PPP1R12B: variants seen among roughly 807,000 people sequenced by gnomAD.
PPP1R12B encodes the protein myosin phosphatase target subunit 2.
PPP1R12B carries 76 observed loss-of-function variants against 126.1 expected under a neutral mutation model. That is an observed-to-expected ratio of 0.60 (90% CI 0.50 to 0.73). The LOEUF (loss-of-function observed/expected upper bound fraction) is 0.73, where lower values mean the gene tolerates loss of function less well. Among genes scored for constraint, PPP1R12B ranks in the 30% least tolerant of loss-of-function variants. The pLI is 0.00. For synonymous variants in PPP1R12B, 356 were observed against 434.7 expected, an observed-to-expected ratio of 0.82 and a Z score of 2.25; for missense variants, 1,052 against 1,205.1, an observed-to-expected ratio of 0.87 and a Z score of 1.88.
chr1:202,379,800 A>T (rs1018196794), intron 1 of PPP1R12B, among the ~76,000 whole-genome samples: 2 of 152,248 alleles, frequency 1.3e-5, no homozygotes, highest in Non-Finnish European at 2.9e-5. Flanking sequence ...TATACATCAG[A>T]ATACTCATTA....
chr1:202,407,092 AAC>A (rs1666713078), intron 1 of PPP1R12B, among the ~76,000 whole-genome samples: 1 of 152,192 alleles, frequency 6.6e-6, no homozygotes, highest in African/African-American at 2.4e-5. Flanking sequence ...ACTTTCAAAA[AAC>A]ATGATTTGAT....
chr1:202,434,733 G>C lies in PPP1R12B; in HGVS notation c.1219G>C (p.Ala407Pro). The C allele has an allele frequency of 6.2e-7, 1 of 1,613,772 alleles. No homozygotes were observed. Among genetic ancestry groups the C allele is most frequent in the Non-Finnish European group, 8.5e-7 (1 of 1,179,914 alleles). The change falls in exon 9 of 24, where the codon GCT becomes CCT. Residue 407 changes from alanine to proline, a missense_variant. Transcript: ENST00000608999. ...SSITEQIPAP[A>P]QNTFSASSAR... ...TATCACAGAGCAGATACCAGCACCA[G>C]CTCAAAATACCTTCTCTGCCTCTTC...
intron 6 of PPP1R12B, 105 bp downstream of exon 6, chr1:202,429,034 C>T: frequency 1.1e-6 from 1 of 872,240 alleles, no homozygotes. Flanking sequence ...TTGAAATGGA[C>T]ATATCTGCAT....
At chr1:202,416,109 A>G (rs898853745) in intron 1 of PPP1R12B, among the ~76,000 whole-genome samples, 2 of 152,244 alleles carry the variant, frequency 1.3e-5, no homozygotes, top group African/African-American at 4.8e-5. Context: ...AATAAAATTC[A>G]TATACAAATC....
intron 1 of PPP1R12B, among the ~76,000 whole-genome samples, chr1:202,412,694 T>C (rs1225014993): frequency 1.3e-5 from 2 of 152,240 alleles, no homozygotes; most frequent in African/African-American, 4.8e-5. Context: ...ATAGGAGTAT[T>C]ACTAAGGGCA....
intron 17 of PPP1R12B, 24 bp downstream of exon 17, chr1:202,495,706 G>A: frequency 1.9e-6 from 3 of 1,587,620 alleles, no homozygotes; most frequent in Middle Eastern, 1.7e-4. Flanking sequence ...TCTGTGCTGA[G>A]GCATATCATA....
At chr1:202,467,974 G>A (rs1333544638) in intron 13 of PPP1R12B, among the ~76,000 whole-genome samples, 2 of 152,212 alleles carry the variant, frequency 1.3e-5, no homozygotes, top group Non-Finnish European at 2.9e-5. Context: ...CTGATGGCCA[G>A]TGATGATGAG....
intron 1 of PPP1R12B, among the ~76,000 whole-genome samples, chr1:202,397,149 T>A (rs2148546284): frequency 6.6e-6 from 1 of 152,304 alleles, no homozygotes. Flanking sequence ...TGCTCTCATT[T>A]CCTTTCACTC....
chr1:202,560,963 G>A (rs1164545082), intron 19 of PPP1R12B, among the ~76,000 whole-genome samples: 1 of 151,888 alleles, frequency 6.6e-6, no homozygotes, highest in Non-Finnish European at 1.5e-5. Flanking sequence ...GTATACATAT[G>A]TAACTAACCT....
At chr1:202,564,375 AT>A in intron 20 of PPP1R12B, 67 bp from the exon 21 acceptor site, 1 of 1,193,754 alleles carries the variant, frequency 8.4e-7, no homozygotes, top group South Asian at 1.3e-5. Flanking sequence ...AGCCCTGGGC[AT>A]TCTCATGTGA....
intron 18 of PPP1R12B, among the ~76,000 whole-genome samples, chr1:202,503,963 C>T (rs1680526496): frequency 6.6e-6 from 1 of 152,242 alleles, no homozygotes; most frequent in African/African-American, 2.4e-5. Flanking sequence ...TGTCATAAGA[C>T]TCTTCTTACT....
intron 1 of PPP1R12B, among the ~76,000 whole-genome samples, chr1:202,413,618 A>G (rs1667678533): frequency 6.6e-6 from 1 of 152,222 alleles, no homozygotes; most frequent in Non-Finnish European, 1.5e-5. Context: ...ATACGTTACT[A>G]AGAAATTTTT....
In PPP1R12B at chr1:202,389,557, C is replaced by T. The variant is rs538028762; in HGVS notation, c.292-27230C>T. On this transcript the variant is annotated intron_variant, in intron 1 of 23. Transcript: ENST00000608999. ...TACTCGGGAGGCTGAGGCAGAACTGCGTGAACCCGGGAGGTGGAGCTTGCA... is the reference window on the plus strand; with the variant it reads ...TACTCGGGAGGCTGAGGCAGAACTGTGTGAACCCGGGAGGTGGAGCTTGCA... Among the ~76,000 whole-genome samples the T allele has an allele frequency of 5.3e-5, 8 of 151,126 alleles. No individual in the cohort carries two copies. The South Asian group carries it at 8.4e-4, about 16-fold the overall frequency.
At chr1:202,492,713 G>A (rs1215765093) in intron 14 of PPP1R12B, among the ~76,000 whole-genome samples, 1 of 152,072 alleles carries the variant, frequency 6.6e-6, no homozygotes, top group African/African-American at 2.4e-5. Context: ...CTTTTTTTAA[G>A]TGAATATTTT....
chr1:202,372,534 G>A (rs1176096463), intron 1 of PPP1R12B, among the ~76,000 whole-genome samples: 1 of 151,692 alleles, frequency 6.6e-6, no homozygotes, highest in Non-Finnish European at 1.5e-5. Context: ...AATTTTGCCT[G>A]GACAAGGTGG....
At chr1:202,451,418 T>C (rs1218340348) in intron 13 of PPP1R12B, among the ~76,000 whole-genome samples, 39 of 145,146 alleles carry the variant, frequency 2.7e-4, no homozygotes, top group Admixed American at 4.9e-4. Context: ...AAAGCACATC[T>C]TGCACCGCCC....
chr1:202,576,303 A>G (rs1689083762), intron 23 of PPP1R12B: 1 of 152,236 alleles, frequency 6.6e-6, no homozygotes, highest in Admixed American at 6.5e-5. Flanking sequence ...TTCTATCTCA[A>G]GATGGTATGA....
intron 12 of PPP1R12B, among the ~76,000 whole-genome samples, chr1:202,444,482 G>A (rs910236197): frequency 6.6e-6 from 1 of 152,030 alleles, no homozygotes; most frequent in Non-Finnish European, 1.5e-5. Context: ...TTTGCTTTAG[G>A]CTGAATAACT....
intron 1 of PPP1R12B, among the ~76,000 whole-genome samples, chr1:202,371,034 C>A (rs1384311129): frequency 1.7e-5 from 2 of 119,134 alleles, no homozygotes; most frequent in Non-Finnish European, 3.3e-5. Flanking sequence ...GAGATAGAGT[C>A]TCTCTCTGTC....
Sources: allele counts gnomAD v4.1 joint callset (sites outside exome capture counted in the v4.1 genomes callset), GRCh38; gene constraint gnomAD v4.1.1; transcripts MANE v1.5; gene names NCBI Gene and HGNC (gene_info 2026-07-23, HGNC 2026-07-21).